Variants in CCDC40 observed in about 807,000 individuals in gnomAD.
CCDC40 encodes coiled-coil domain-containing protein 40.
In CCDC40, 104 loss-of-function variants were observed where a neutral mutation model predicts 124.5. The observed-to-expected ratio is 0.84, with a 90% CI of 0.71 to 0.98. The LOEUF is 0.98. CCDC40 is among the 50% of genes least tolerant of loss of function. The pLI, the probability that CCDC40 is intolerant of heterozygous loss-of-function variation, is 0.00. For synonymous variants in CCDC40, 580 were observed against 602.9 expected, an observed-to-expected ratio of 0.96 and a Z score of 0.56; for missense variants, 1,463 against 1,503.9, an observed-to-expected ratio of 0.97 and a Z score of 0.45.
chr17:80,050,435 C>G, intron 7 of CCDC40, 152 bp downstream of exon 7: 2 of 685,596 alleles, frequency 2.9e-6, no homozygotes, highest in Non-Finnish European at 2.6e-6. Context: ...GCACATAAAT[C>G]AAATGTCTTT....
chr17:80,065,623 G>T lies in CCDC40; in HGVS notation c.1562+17G>T. On this transcript the variant is annotated intron_variant, in intron 10 of 19. Coordinates refer to ENST00000397545, the MANE Select transcript of CCDC40 (RefSeq NM_017950.4). ...GGCGCTCAGGTACTGCAGGGCCACA[G>T]GCAGCGAGGATGTGCGGGAACCCCA... is the stretch of plus-strand genomic sequence containing the variant. 6.2e-7 allele frequency: 1 copy of T among 1,611,654 alleles called. No homozygotes were observed. Among genetic ancestry groups the T allele is most frequent in the South Asian group, 1.1e-5 (1 of 90,946 alleles).
chr17:80,076,147 A>C (rs1013045627), intron 10 of CCDC40, among the ~76,000 whole-genome samples: 18 of 152,226 alleles, frequency 1.2e-4, no homozygotes, highest in Non-Finnish European at 1.6e-4. Flanking sequence ...GACTGACTCC[A>C]ATTTTGCAAG....
chr17:80,037,684 AAAAAAG>A (rs1158820698), intron 1 of CCDC40, among the ~76,000 whole-genome samples: 1 of 21,060 alleles, frequency 4.7e-5, no homozygotes, highest in Non-Finnish European at 9.6e-5. Flanking sequence ...TTAATTTTTT[AAAAAAG>A]ATATACATAT....
At position 80,056,016 on chromosome 17, in the gene CCDC40, A is replaced by ATTTTTTTTTTTTTT. The variant is rs1193599741; in HGVS notation, c.1160-2476_1160-2463dup. Among the ~76,000 whole-genome samples the ATTTTTTTTTTTTTT allele has an allele frequency of 1.2e-3, 12 of 10,244 alleles. 1 individual carries two copies. The highest frequency in any genetic ancestry group is 1.6e-3 in the Non-Finnish European group (10 of 6,228). 6.7% of individuals were successfully genotyped at this position (10,244 alleles called of 152,430 possible). Reference sequence around the variant, plus strand: ...TATATATATATATATATATATATATATTTTTTTTTTTTTTTGGTAGAAACA... The same window carrying ATTTTTTTTTTTTTT: ...TATATATATATATATATATATATATATTTTTTTTTTTTTTTTTTTTTTTTTTTTTGGTAGAAACA... On this transcript the variant is annotated intron_variant, in intron 7 of 19. Transcript: ENST00000397545.
At chr17:80,040,814 C>T (rs1012255013) in intron 3 of CCDC40, among the ~76,000 whole-genome samples, 5 of 152,182 alleles carry the variant, frequency 3.3e-5, no homozygotes, top group South Asian at 2.1e-4. Context: ...CCGCCATCCA[C>T]GTAAGGGCAT....
chr17:80,096,088 C>T (rs1222222235), intron 18 of CCDC40, among the ~76,000 whole-genome samples: 1 of 152,248 alleles, frequency 6.6e-6, no homozygotes, highest in Non-Finnish European at 1.5e-5. Flanking sequence ...GCTGTGTGAC[C>T]TCGGAGTATG....
chr17:80,036,756 A>G (rs2037069776), intron 1 of CCDC40, 65 bp downstream of exon 1: 1 of 1,425,920 alleles, frequency 7.0e-7, no homozygotes, highest in Admixed American at 2.3e-5. Flanking sequence ...TCACCGCTCC[A>G]GGTGGCCCCC....
At chr17:80,091,853 GA>G (rs1397050405) in intron 17 of CCDC40, among the ~76,000 whole-genome samples, 1 of 151,704 alleles carries the variant, frequency 6.6e-6, no homozygotes, top group Non-Finnish European at 1.5e-5. Context: ...GTAACAGCCT[GA>G]CAGATTACTT....
chr17:80,079,019 C>T (rs570097701), intron 10 of CCDC40, among the ~76,000 whole-genome samples: 18 of 151,328 alleles, frequency 1.2e-4, no homozygotes, highest in East Asian at 1.2e-3. Flanking sequence ...CTGCAACATC[C>T]GCCTCCTGGG....
intron 16 of CCDC40, chr17:80,089,527 T>C: frequency 2.2e-6 from 1 of 451,696 alleles, no homozygotes; most frequent in Non-Finnish European, 4.2e-6. Flanking sequence ...TCTCTGTCTC[T>C]CTGTTTCTTC....
At chr17:80,062,096 T>A (rs9904652) in intron 9 of CCDC40, among the ~76,000 whole-genome samples, 1 of 151,620 alleles carries the variant, frequency 6.6e-6, no homozygotes, top group Non-Finnish European at 1.5e-5. Context: ...GGTGACAGAG[T>A]GAAACCCCCG....
At position 80,087,910 on chromosome 17, in the gene CCDC40, G is replaced by A; in HGVS notation, c.2620-101G>A. ...TGCTTGTAGGGGTATTAGAAATCCAGCCTGCAGCCCTGCCCTCGGTGCCGG... is the reference window on the plus strand; with the variant it reads ...TGCTTGTAGGGGTATTAGAAATCCAACCTGCAGCCCTGCCCTCGGTGCCGG... On this transcript the variant is annotated intron_variant, in intron 15 of 19. Coordinates refer to ENST00000397545, the MANE Select transcript of CCDC40 (RefSeq NM_017950.4). The surrounding 1 kb of genome is among the most constrained non-coding windows in gnomAD (Gnocchi z 4.5). The A allele has an allele frequency of 1.5e-6, 2 of 1,291,432 alleles. No individual in the cohort carries two copies. The highest frequency in any genetic ancestry group is 2.3e-6 in the Non-Finnish European group (2 of 887,580). The allele number at this position is 1,291,432 out of a possible 1,614,324, so 80.0% of individuals were successfully genotyped here.
chr17:80,088,682 C>T (rs933076893), intron 16 of CCDC40, among the ~76,000 whole-genome samples: 3 of 152,184 alleles, frequency 2.0e-5, no homozygotes, highest in Non-Finnish European at 2.9e-5. Flanking sequence ...TGGTGCATGC[C>T]GGTAGTCCCA....
rs62074555 is a variant in CCDC40, at chr17:80,066,494, G to A, written c.1562+888G>A. On this transcript the variant is annotated intron_variant, in intron 10 of 19. Transcript: ENST00000397545. This position sits in a 1 kb window ranked among gnomAD's most constrained non-coding sequence, Gnocchi z 4.4. The stretch of plus-strand genomic sequence containing the variant: ...CATTTCTGGCCAGGCGCAGTGGCTC[G>A]CACCTGTAATCCCAACATTTTGGGA... The A allele has an allele frequency of 0.097, 25,595 of 262,838 alleles. 1,409 individuals are homozygous for A. The highest frequency in any genetic ancestry group is 0.14 in the Middle Eastern group (105 of 732). The allele number at this position is 262,838 out of a possible 1,614,324, so 16.3% of individuals were successfully genotyped here.
chr17:80,040,027 G>A lies in CCDC40; in HGVS notation c.309G>A (p.Pro103=), dbSNP rs772789603. 9.3e-6 allele frequency: 15 copies of A among 1,613,998 alleles called. No individual in the cohort carries two copies. The highest frequency in any genetic ancestry group is 5.0e-5 in the Admixed American group (3 of 59,990). The change falls in exon 3 of 20, where the codon CCG becomes CCA. Residue 103 remains proline, a synonymous_variant. Coordinates refer to ENST00000397545, the MANE Select transcript of CCDC40 (RefSeq NM_017950.4). The part of the protein sequence containing the change: ...EEYYYTETSS[P]EGQISAADTT... Reference sequence around the variant, plus strand: ...ATTACTATACAGAAACTTCATCCCCGGAAGGGCAAATCAGTGCTGCAGATA... The same window carrying A: ...ATTACTATACAGAAACTTCATCCCCAGAAGGGCAAATCAGTGCTGCAGATA...
rs2038590783 is a variant in CCDC40, at chr17:80,086,439, AATGGCTCC to A, written c.2449+225_2449+232del. 9.3e-6 allele frequency: 5 copies of A among 538,044 alleles called. No individual in the cohort carries two copies. The highest frequency in any genetic ancestry group is 1.3e-5 in the Non-Finnish European group (4 of 296,666). The allele number at this position is 538,044 out of a possible 1,614,324, so 33.3% of individuals were successfully genotyped here. ...GCGGGAGGGTTGAGAAATGTCACGA[AATGGCTCC>A]AAGCTCACGGACTTCAGAGCTCTCC... On this transcript the variant is annotated intron_variant, in intron 14 of 19. Coordinates refer to ENST00000397545, the MANE Select transcript of CCDC40 (RefSeq NM_017950.4). This position sits in a 1 kb window ranked among gnomAD's most constrained non-coding sequence, Gnocchi z 5.5.
rs374932269 is a variant in CCDC40 at position 80,099,542 on chromosome 17, G to A, written c.3196G>A (p.Val1066Met). ...TCCTACCCAGAACCTTTCAGAGATC[G>A]TGGCCCTGCAGACACGCCTTAAGCA... ...ALKRQNLSEI[V>M]ALQTRLKHLQ... The change falls in exon 20 of 20, where the codon GTG becomes ATG. Residue 1066 changes from valine (V) to methionine (M), a missense_variant. Coordinates refer to ENST00000397545, the MANE Select transcript of CCDC40 (RefSeq NM_017950.4). The A allele has an allele frequency of 4.8e-5, 78 of 1,610,248 alleles. No homozygotes were observed. Among genetic ancestry groups the A allele is most frequent in the Non-Finnish European group, 6.3e-5 (74 of 1,180,008 alleles).
chr17:80,040,404 T>G (rs1341265423), intron 3 of CCDC40, 134 bp downstream of exon 3: 1 of 947,576 alleles, frequency 1.1e-6, no homozygotes, highest in Non-Finnish European at 1.6e-6. Context: ...CAAGGCTGGG[T>G]GCGGTGGCTC....
intron 17 of CCDC40, chr17:80,090,661 A>G: frequency 2.1e-6 from 3 of 1,436,288 alleles, no homozygotes; most frequent in Non-Finnish European, 2.7e-6. Flanking sequence ...CATCCTTCAC[A>G]GCCGCGTTGT....
Sources: allele counts gnomAD v4.1 joint callset (sites outside exome capture counted in the v4.1 genomes callset), GRCh38; gene constraint gnomAD v4.1.1; non-coding constraint Gnocchi (gnomAD v3.1); transcripts MANE v1.5; gene names NCBI Gene and HGNC (gene_info 2026-07-23, HGNC 2026-07-21).